Variants in ARHGEF10 observed in about 807,000 individuals in gnomAD.
ARHGEF10 encodes the protein Rho guanine nucleotide exchange factor (GEF) 10.
A neutral mutation model predicts 147.4 loss-of-function variants in ARHGEF10; 140 were observed. The ratio of observed to expected loss-of-function variants is 0.95; its 90% confidence interval spans 0.83 to 1.09. The LOEUF is 1.09. Among genes scored for constraint, ARHGEF10 ranks in the 50% least tolerant of loss-of-function variants. The pLI, the probability that ARHGEF10 is intolerant of heterozygous loss-of-function variation, is 0.00. For synonymous variants in ARHGEF10, 902 were observed against 695.8 expected (o/e 1.30, Z -4.67); for missense variants, 2,222 against 1,752.7 (o/e 1.27, Z -4.78).
At position 1,853,314 on chromosome 8, in the gene ARHGEF10, C is replaced by G. The variant is rs746539995; in HGVS notation, c.38-4646C>G. 1.7e-3 allele frequency among the ~76,000 whole-genome samples: 265 copies of G among 152,334 alleles called. 1 individual carries two copies. Among genetic ancestry groups the G allele is most frequent in the Non-Finnish European group, 9.3e-4 (63 of 68,030 alleles). On this transcript the variant is annotated intron_variant, in intron 2 of 28. Coordinates refer to ENST00000349830, the MANE Select transcript of ARHGEF10 (RefSeq NM_014629.4). ...AGCGCCGGGCCCTTCCCGCCCACCT[C>G]CTGGGCTCCACAGGGACCAACGGGC... is the stretch of plus-strand genomic sequence containing the variant.
intron 28 of ARHGEF10, among the ~76,000 whole-genome samples, chr8:1,954,348 C>T (rs1044709254): frequency 1.6e-4 from 24 of 152,152 alleles, no homozygotes; most frequent in African/African-American, 2.2e-4. Flanking sequence ...CCTGCCTTGG[C>T]CTCAGATGCT....
intron 14 of ARHGEF10, among the ~76,000 whole-genome samples, chr8:1,897,016 C>T (rs894766917): frequency 2.6e-5 from 4 of 152,198 alleles, no homozygotes; most frequent in Admixed American, 6.5e-5. Context: ...TCGTGGGATG[C>T]GTGTCCGAGG....
intron 2 of ARHGEF10, among the ~76,000 whole-genome samples, chr8:1,850,156 A>G (rs13266138): frequency 0.17 from 3,429 of 20,644 alleles, 486 homozygotes; most frequent in African/African-American, 0.37. Context: ...TGGGGCGGCC[A>G]CGTGGACACA....
chr8:1,900,153 G>A (rs1198518965), intron 15 of ARHGEF10, among the ~76,000 whole-genome samples: 1 of 152,166 alleles, frequency 6.6e-6, no homozygotes, highest in Non-Finnish European at 1.5e-5. Context: ...TTGGTTAAAT[G>A]TAAGTAAGTA....
chr8:1,849,975 C>CGCGT (rs1563173604), intron 2 of ARHGEF10, among the ~76,000 whole-genome samples: 2 of 109,314 alleles, frequency 1.8e-5, no homozygotes, highest in Non-Finnish European at 1.9e-5. Context: ...GGGCGTGGGC[C>CGCGT]GGCTGCATGG....
chr8:1,894,463 A>G lies in ARHGEF10; in HGVS notation c.1331A>G (p.Tyr444Cys), dbSNP rs141003957. ...LSERKLKTVF[Y>C]RVKEILQCHS... Reference sequence around the variant, plus strand: ...GAGAGGAAGCTGAAGACGGTGTTCTACCGAGTCAAAGAGATCCTGCAGTGC... The same window carrying G: ...GAGAGGAAGCTGAAGACGGTGTTCTGCCGAGTCAAAGAGATCCTGCAGTGC... Residue 444 changes from tyrosine (Y) to cysteine (C), a missense_variant, in exon 13 of 29, where the codon TAC becomes TGC. Tyr to Cys is a radical substitution (Grantham distance 194). Coordinates refer to ENST00000349830, the MANE Select transcript of ARHGEF10 (RefSeq NM_014629.4). The G allele has an allele frequency of 3.9e-5, 63 of 1,614,102 alleles. No homozygotes were observed. The highest frequency in any genetic ancestry group is 6.7e-5 in the African/African-American group (5 of 74,940).
chr8:1,928,638 C>A lies in ARHGEF10; in HGVS notation c.2909C>A (p.Thr970Lys). 1 of 1,613,924 alleles carries A rather than the reference C, an allele frequency of 6.2e-7. No homozygotes were observed. The highest frequency in any genetic ancestry group is 1.3e-5 in the African/African-American group (1 of 74,950). ...ASDVPTICVG[T>K]EEGSISIYKS... ...GATGTCCCCACGATCTGTGTAGGGA[C>A]GGAGGAGGGAAGGTAGGGCATGCTC... Residue 970 changes from threonine to lysine, a missense_variant, in exon 24 of 29, where the codon ACG (threonine) becomes AAG (lysine). Transcript: ENST00000349830.
chr8:1,850,291 T>TG (rs1805011713), intron 2 of ARHGEF10, among the ~76,000 whole-genome samples: 3 of 124,360 alleles, frequency 2.4e-5, no homozygotes, highest in Admixed American at 1.8e-4. Flanking sequence ...GGCGGCCGCG[T>TG]GGGCATGGAC....
At chr8:1,909,564 C>G (rs548928078) in intron 18 of ARHGEF10, 94 bp downstream of exon 18, 6 of 1,534,702 alleles carry the variant, frequency 3.9e-6, no homozygotes, top group African/African-American at 1.4e-5. Context: ...CCACCATCAG[C>G]AGGTTCAGGG....
rs548607673 is a variant in ARHGEF10, at chr8:1,925,877, C to T, written c.2610+473C>T. 6.6e-5 allele frequency among the ~76,000 whole-genome samples: 10 copies of T among 152,336 alleles called. No homozygotes were observed. In the South Asian group the frequency reaches 8.3e-4, roughly 13 times the overall value. ...CTGACTCAGGCATCACAGGCCAGGGCCTTCAGTGACACTGACAATGTCTTA... is the reference window on the plus strand; with the variant it reads ...CTGACTCAGGCATCACAGGCCAGGGTCTTCAGTGACACTGACAATGTCTTA... On this transcript the variant is annotated intron_variant, in intron 22 of 28. Coordinates refer to ENST00000349830, the MANE Select transcript of ARHGEF10 (RefSeq NM_014629.4).
At chr8:1,885,803 G>T (rs1183020472) in intron 11 of ARHGEF10, 96 bp downstream of exon 11, 3 of 1,007,070 alleles carry the variant, frequency 3.0e-6, no homozygotes, top group East Asian at 5.0e-5. Context: ...AATATTTGCT[G>T]TCTCAAACTC....
At chr8:1,906,305 C>T (rs140139150) in intron 17 of ARHGEF10, among the ~76,000 whole-genome samples, 93 of 152,238 alleles carry the variant, frequency 6.1e-4, no homozygotes, top group African/African-American at 2.2e-3. Context: ...ATAATGCAAG[C>T]GAACGTGGTG....
intron 18 of ARHGEF10, among the ~76,000 whole-genome samples, chr8:1,909,878 A>G (rs1811230874): frequency 6.6e-6 from 1 of 152,186 alleles, no homozygotes; most frequent in Admixed American, 6.5e-5. Flanking sequence ...CTCTTTGCTC[A>G]CCTGCTCACA....
chr8:1,896,841 G>A (rs575109897), intron 14 of ARHGEF10, among the ~76,000 whole-genome samples: 1 of 152,318 alleles, frequency 6.6e-6, no homozygotes, highest in Non-Finnish European at 1.5e-5. Flanking sequence ...TCAGAGCCTG[G>A]AGCGGGCCCT....
intron 4 of ARHGEF10, among the ~76,000 whole-genome samples, chr8:1,861,552 C>T (rs1250797178): frequency 2.6e-5 from 4 of 152,202 alleles, no homozygotes; most frequent in Non-Finnish European, 5.9e-5. Context: ...AAGCCCACAG[C>T]CTCTACGCCT....
intron 3 of ARHGEF10, among the ~76,000 whole-genome samples, chr8:1,859,196 C>A (rs796538676): frequency 0.046 from 3,709 of 80,408 alleles, no homozygotes; most frequent in South Asian, 0.078. Flanking sequence ...GGTTGTTTGC[C>A]CGGTGTTTCT....
intron 18 of ARHGEF10, among the ~76,000 whole-genome samples, chr8:1,912,263 C>G (rs1469476729): frequency 2.0e-5 from 3 of 149,370 alleles, no homozygotes; most frequent in Middle Eastern, 3.6e-3. Context: ...GTTTGCCGTG[C>G]GGTATTAGAC....
At chr8:1,930,444 A>G (rs1359743040) in intron 25 of ARHGEF10, among the ~76,000 whole-genome samples, 1 of 151,888 alleles carries the variant, frequency 6.6e-6, no homozygotes, top group South Asian at 2.1e-4. Flanking sequence ...TTCATTCTCC[A>G]AATATTTGTT....
chr8:1,864,552 C>G (rs1049981860), intron 5 of ARHGEF10, 116 bp downstream of exon 5: 1 of 1,042,080 alleles, frequency 9.6e-7, no homozygotes, highest in Non-Finnish European at 1.5e-6. Context: ...GCGGCGGGAG[C>G]TGTCCCAACC....
Sources: allele counts gnomAD v4.1 joint callset (sites outside exome capture counted in the v4.1 genomes callset), GRCh38; gene constraint gnomAD v4.1.1; transcripts MANE v1.5; gene names NCBI Gene and HGNC (gene_info 2026-07-23, HGNC 2026-07-21).